ADAMTS18: variants seen among roughly 807,000 people sequenced by gnomAD.
ADAMTS18 encodes A disintegrin and metalloproteinase with thrombospondin motifs 18.
Under a neutral mutation model 165.9 loss-of-function variants are expected in ADAMTS18, and 157 were observed. The ratio of observed to expected loss-of-function variants is 0.95; its 90% CI spans 0.83 to 1.08. The LOEUF (loss-of-function observed/expected upper bound fraction) is 1.08, where lower values mean the gene tolerates loss of function less well. Among genes scored for constraint, ADAMTS18 ranks in the 50% least tolerant of loss-of-function variants. The pLI is 0.00. For missense variants in ADAMTS18, 2,040 were observed against 1,534.0 expected (o/e 1.33, Z -5.51); for synonymous variants, 782 against 578.2 (o/e 1.35, Z -5.06).
intron 3 of ADAMTS18, among the ~76,000 whole-genome samples, chr16:77,429,766 C>T (rs2057716402): frequency 6.6e-6 from 1 of 152,122 alleles, no homozygotes; most frequent in African/African-American, 2.4e-5. Context: ...CATGAGGAGG[C>T]TAAATTTTGC....
intron 14 of ADAMTS18, 150 bp from the exon 15 acceptor site, chr16:77,321,352 A>G (rs2055995708): frequency 2.9e-6 from 3 of 1,036,902 alleles, no homozygotes; most frequent in Non-Finnish European, 4.2e-6. Flanking sequence ...AGTTGGACTC[A>G]CTTGGGGTTC....
At chr16:77,411,790 G>A (rs910785448) in intron 3 of ADAMTS18, among the ~76,000 whole-genome samples, 2 of 146,100 alleles carry the variant, frequency 1.4e-5, no homozygotes, top group African/African-American at 2.5e-5. Flanking sequence ...AGGCTCAAGC[G>A]ATTCTCCTGT....
intron 10 of ADAMTS18, among the ~76,000 whole-genome samples, chr16:77,344,878 A>T (rs2056452992): frequency 6.6e-6 from 1 of 152,184 alleles, no homozygotes; most frequent in East Asian, 1.9e-4. Flanking sequence ...AAGCCCCTTG[A>T]GAAGGCTCCC....
intron 21 of ADAMTS18, among the ~76,000 whole-genome samples, chr16:77,289,996 TAA>T (rs1177266687): frequency 2.0e-5 from 3 of 152,218 alleles, no homozygotes; most frequent in Non-Finnish European, 4.4e-5. Flanking sequence ...GAAAAATTTA[TAA>T]AGATACTTCA....
chr16:77,425,910 G>C (rs996248), intron 3 of ADAMTS18, among the ~76,000 whole-genome samples: 8,959 of 152,190 alleles, frequency 0.059, 339 homozygotes, highest in East Asian at 0.14. Context: ...GCCAGGCGTG[G>C]TGGTGGATGC....
chr16:77,358,301 C>T lies in ADAMTS18; in HGVS notation c.1322+1017G>A, dbSNP rs575842700. ...ATAGAAGATACTGGCACTGTCCGGG[C>T]GTGGTGGCTCACACCTGTAATCTCA... On this transcript the variant is annotated intron_variant, in intron 8 of 22. Coordinates refer to ENST00000282849, the MANE Select transcript of ADAMTS18 (RefSeq NM_199355.4). Among the ~76,000 whole-genome samples the T allele has an allele frequency of 1.1e-3, 166 of 152,270 alleles. 1 individual carries two copies. Among genetic ancestry groups the T allele is most frequent in the African/African-American group, 3.8e-3 (159 of 41,570 alleles).
chr16:77,413,007 A>G (rs542559061), intron 3 of ADAMTS18, among the ~76,000 whole-genome samples: 106 of 152,162 alleles, frequency 7.0e-4, no homozygotes, highest in Non-Finnish European at 1.4e-3. Context: ...CTTATAATGC[A>G]TTTCTTTACA....
In ADAMTS18 at chr16:77,320,094, C is replaced by G; in HGVS notation, c.2288-1G>C. ...GGAATGAGGACCACCGGATAATATTCTAAATGGAAAGAAGAGAACATGTCT... is the reference window on the plus strand; with the variant it reads ...GGAATGAGGACCACCGGATAATATTGTAAATGGAAAGAAGAGAACATGTCT... On this transcript the variant is annotated splice_acceptor_variant, in intron 15 of 22. Transcript: ENST00000282849. LOFTEE classifies it high-confidence loss of function. 1.2e-6 allele frequency: 2 copies of G among 1,614,036 alleles called. No homozygotes were observed. The highest frequency in any genetic ancestry group is 1.7e-6 in the Non-Finnish European group (2 of 1,179,980).
intron 3 of ADAMTS18, among the ~76,000 whole-genome samples, chr16:77,373,345 G>C (rs1274485812): frequency 6.6e-6 from 1 of 151,884 alleles, no homozygotes; most frequent in African/African-American, 2.4e-5. Flanking sequence ...TATAGTCCCA[G>C]CTACTCGGGA....
chr16:77,430,655 T>G (rs2144866542), intron 3 of ADAMTS18, among the ~76,000 whole-genome samples: 1 of 152,348 alleles, frequency 6.6e-6, no homozygotes, highest in Non-Finnish European at 1.5e-5. Flanking sequence ...TCATTTACAC[T>G]GATATTCTTG....
chr16:77,386,013 T>A (rs981253438), intron 3 of ADAMTS18, among the ~76,000 whole-genome samples: 4 of 152,242 alleles, frequency 2.6e-5, no homozygotes, highest in Admixed American at 6.5e-5. Flanking sequence ...CATTTCTGGC[T>A]AGCATTTAGT....
intron 13 of ADAMTS18, among the ~76,000 whole-genome samples, chr16:77,324,494 T>C (rs1265458676): frequency 1.3e-5 from 2 of 152,232 alleles, no homozygotes; most frequent in South Asian, 2.1e-4. Flanking sequence ...TCTTGGATGC[T>C]GGAGATATAA....
Position 77,335,860 on chromosome 16 carries a change from G to C in ADAMTS18, c.1755C>G (p.Pro585=). 1 of 1,614,178 alleles carries C rather than the reference G, an allele frequency of 6.2e-7. No homozygotes were observed. The highest frequency in any genetic ancestry group is 8.5e-7 in the Non-Finnish European group (1 of 1,180,036). ...GQCVKFGELG[P]RPIHGQWSAW... ...CGGACCACTGGCCGTGGATGGGCCG[G>C]GGCCCGAGCTCCCCAAACTTTACGC... The change falls in exon 12 of 23, where the codon CCC becomes CCG. Residue 585 remains proline (P), a synonymous_variant. Coordinates refer to ENST00000282849, the MANE Select transcript of ADAMTS18 (RefSeq NM_199355.4).
intron 16 of ADAMTS18, among the ~76,000 whole-genome samples, chr16:77,310,816 G>A (rs144451191): frequency 2.6e-4 from 39 of 152,010 alleles, no homozygotes; most frequent in African/African-American, 8.7e-4. Context: ...TCATGGAGAC[G>A]GGGGTTTTTT....
At chr16:77,291,131 T>C in intron 21 of ADAMTS18, 135 bp downstream of exon 21, 2 of 961,562 alleles carry the variant, frequency 2.1e-6, no homozygotes, top group Non-Finnish European at 3.2e-6. Flanking sequence ...CAAAACCCAT[T>C]CTGCCTTCAG....
intron 3 of ADAMTS18, among the ~76,000 whole-genome samples, chr16:77,412,514 G>C (rs11641361): frequency 0.16 from 24,394 of 151,948 alleles, 2,074 homozygotes; most frequent in Middle Eastern, 0.22. Context: ...ATGTATTATA[G>C]AGATGGGGTG....
rs2055442433 is a variant in ADAMTS18 at position 77,295,076 on chromosome 16, C to T, written c.2853G>A (p.Gln951=). ...STCSKACAGG[Q]QSRKIQCVQK... ...GCACACACTGGATCTTTCGGCTCTG[C>T]TGGCCTCCAGCACAGGCCTTGCTGC... The change falls in exon 19 of 23, where the codon CAG becomes CAA. Residue 951 remains glutamine, a synonymous_variant. Coordinates refer to ENST00000282849, the MANE Select transcript of ADAMTS18 (RefSeq NM_199355.4). 2 of 1,614,074 alleles carry T rather than the reference C, an allele frequency of 1.2e-6. No individual in the cohort carries two copies. Among genetic ancestry groups the T allele is most frequent in the South Asian group, 1.1e-5 (1 of 91,090 alleles).
At chr16:77,351,302 T>C (rs1322138157) in intron 10 of ADAMTS18, among the ~76,000 whole-genome samples, 1 of 152,212 alleles carries the variant, frequency 6.6e-6, no homozygotes, top group African/African-American at 2.4e-5. Flanking sequence ...CTGTCCTTGT[T>C]TGACTCAATC....
chr16:77,327,860 G>A (rs1309531801), intron 12 of ADAMTS18, among the ~76,000 whole-genome samples: 1 of 152,044 alleles, frequency 6.6e-6, no homozygotes, highest in African/African-American at 2.4e-5. Flanking sequence ...TACATAGAAC[G>A]TCAGCACACT....
Sources: gnomAD v4.1 joint callset for allele counts (sites outside exome capture counted in the v4.1 genomes callset) on GRCh38, gnomAD v4.1.1 for gene constraint, MANE v1.5 for transcripts, NCBI Gene and HGNC (gene_info 2026-07-23, HGNC 2026-07-21) for gene names.